The following PKHD1 variants were observed in gnomAD, a reference collection of about 807,000 sequenced individuals.
PKHD1 encodes fibrocystin.
PKHD1 carries 291 observed loss-of-function variants against 412.0 expected under a neutral mutation model. The ratio of observed to expected loss-of-function variants is 0.71; its 90% CI spans 0.64 to 0.78. The LOEUF is 0.78. Ranked by LOEUF, PKHD1 falls within the 30% of genes least tolerant of loss-of-function variation. PKHD1 has a pLI of 0.00. For synonymous variants in PKHD1, 1,777 were observed against 1,821.5 expected (o/e 0.98, Z 0.62); for missense variants, 4,825 against 4,950.7 (o/e 0.97, Z 0.76).
chr6:51,969,405 A>T (rs186899031), intron 35 of PKHD1, among the ~76,000 whole-genome samples: 54 of 152,228 alleles, frequency 3.5e-4, no homozygotes, highest in African/African-American at 1.2e-3. Flanking sequence ...CAGACTTTTT[A>T]AAAAATTTTT....
At chr6:51,630,591 T>G (rs941497736) in intron 65 of PKHD1, among the ~76,000 whole-genome samples, 1 of 152,180 alleles carries the variant, frequency 6.6e-6, no homozygotes, top group Non-Finnish European at 1.5e-5. Flanking sequence ...GTTGTTTAGA[T>G]TCTCAACAAT....
intron 43 of PKHD1, among the ~76,000 whole-genome samples, chr6:51,887,529 G>A (rs776308784): frequency 1.2e-4 from 19 of 152,236 alleles, no homozygotes; most frequent in South Asian, 2.1e-4. Flanking sequence ...TCAGTTTCTC[G>A]TGAATGGTTT....
At chr6:51,921,203 A>C (rs1215628607) in intron 37 of PKHD1, among the ~76,000 whole-genome samples, 1 of 151,888 alleles carries the variant, frequency 6.6e-6, no homozygotes, top group African/African-American at 2.4e-5. Flanking sequence ...TAGTTCTTTT[A>C]ATTGTGATGT....
rs752514286 is a variant in PKHD1, at chr6:52,062,552, A to G, written c.1085T>C (p.Phe362Ser). ...WQIVPNASSP[F>S]GFWSQEGQPF... Reference sequence around the variant, plus strand: ...TTGTCCTTCCTGTGACCAAAACCCAAATGGAGAACTGGCATTAGGGACAAT... The same window carrying G: ...TTGTCCTTCCTGTGACCAAAACCCAGATGGAGAACTGGCATTAGGGACAAT... The change falls in exon 14 of 67, where the codon TTT becomes TCT. Residue 362 changes from phenylalanine to serine, a missense_variant. Transcript: ENST00000371117. The G allele has an allele frequency of 6.2e-6, 10 of 1,614,112 alleles. No homozygotes were observed. In the Middle Eastern group the frequency reaches 5.0e-4, roughly 80 times the overall value.
chr6:51,937,861 C>T (rs565840123), intron 36 of PKHD1, among the ~76,000 whole-genome samples: 15 of 152,298 alleles, frequency 9.8e-5, no homozygotes, highest in African/African-American at 3.6e-4. Context: ...TCATCACACT[C>T]ACCATCTTCG....
intron 60 of PKHD1, among the ~76,000 whole-genome samples, chr6:51,725,042 G>A (rs1782401407): frequency 6.6e-6 from 1 of 152,174 alleles, no homozygotes; most frequent in Non-Finnish European, 1.5e-5. Context: ...AGATCTTCTT[G>A]GTTGGAGCTT....
At chr6:52,059,379 G>C (rs1808332249) in intron 15 of PKHD1, among the ~76,000 whole-genome samples, 1 of 142,460 alleles carries the variant, frequency 7.0e-6, no homozygotes, top group Non-Finnish European at 1.5e-5. Flanking sequence ...CCCTCAAGTA[G>C]TTGGGACTAT....
At position 52,071,038 on chromosome 6, in the gene PKHD1, G is replaced by T; in HGVS notation, c.635C>A (p.Thr212Asn). The stretch of plus-strand genomic sequence containing the variant: ...GTCGCCTTCCACATGGCACTGCAGA[G>T]TCCCAAGACCATGGTCCTCCTGAAT... ...YPIQEDHGLG[T>N]LQCHVEGDYI... Residue 212 changes from threonine (T) to asparagine (N), a missense_variant, in exon 9 of 67, where the codon ACT (threonine) becomes AAT (asparagine). Thr to Asn is a moderately conservative substitution (Grantham distance 65). Coordinates refer to ENST00000371117, the MANE Select transcript of PKHD1 (RefSeq NM_138694.4). The T allele has an allele frequency of 6.2e-7, 1 of 1,607,604 alleles. No homozygotes were observed. Among genetic ancestry groups the T allele is most frequent in the Non-Finnish European group, 8.5e-7 (1 of 1,174,308 alleles).
chr6:51,645,537 C>T (rs562075587), intron 63 of PKHD1, among the ~76,000 whole-genome samples: 3 of 152,152 alleles, frequency 2.0e-5, no homozygotes, highest in Non-Finnish European at 2.9e-5. Context: ...GGATTACAGG[C>T]GCATGCCCAC....
intron 27 of PKHD1, among the ~76,000 whole-genome samples, chr6:52,040,393 C>T (rs1184814239): frequency 6.6e-6 from 1 of 152,148 alleles, no homozygotes; most frequent in Non-Finnish European, 1.5e-5. Context: ...GTCATATCCT[C>T]CTAACCGGTC....
At chr6:51,805,853 G>T (rs1242389386) in intron 52 of PKHD1, among the ~76,000 whole-genome samples, 1 of 152,112 alleles carries the variant, frequency 6.6e-6, no homozygotes, top group Non-Finnish European at 1.5e-5. Flanking sequence ...ATTCCATGGT[G>T]TATATGTGCC....
chr6:52,072,152 T>TA lies in PKHD1; in HGVS notation c.564dup (p.Thr189TyrfsTer8). ...TGCCTATTTATAAGAGAGCAAGGAG[T>TA]AACCCATTTGTCTCCTTGAGCTTCC... On this transcript the variant is annotated frameshift_variant, in exon 8 of 67. Transcript: ENST00000371117. LOFTEE classifies it high-confidence loss of function. The TA allele has an allele frequency of 6.2e-7, 1 of 1,610,308 alleles. No homozygotes were observed. Among genetic ancestry groups the TA allele is most frequent in the Non-Finnish European group, 8.5e-7 (1 of 1,176,744 alleles).
intron 57 of PKHD1, among the ~76,000 whole-genome samples, chr6:51,752,732 C>A (rs751518571): frequency 6.6e-6 from 1 of 152,156 alleles, no homozygotes; most frequent in East Asian, 1.9e-4. Flanking sequence ...TCCAAAAGGG[C>A]TAAAACTTGA....
chr6:51,679,815 G>C (rs9382002), intron 60 of PKHD1, among the ~76,000 whole-genome samples: 33,927 of 151,960 alleles, frequency 0.22, 4,418 homozygotes, highest in East Asian at 0.41. Flanking sequence ...CTGAAGGAAA[G>C]GAAATTAGCA....
intron 33 of PKHD1, among the ~76,000 whole-genome samples, chr6:52,022,520 C>T (rs1801544020): frequency 6.6e-6 from 1 of 152,124 alleles, no homozygotes; most frequent in Admixed American, 6.5e-5. Flanking sequence ...GAATTACTTC[C>T]TCTGTCATCC....
At chr6:51,782,500 A>G (rs1792190475) in intron 53 of PKHD1, among the ~76,000 whole-genome samples, 1 of 152,162 alleles carries the variant, frequency 6.6e-6, no homozygotes, top group Non-Finnish European at 1.5e-5. Flanking sequence ...GGTTAAATGG[A>G]GCAAATGGTT....
At chr6:51,695,715 A>G (rs1778720378) in intron 60 of PKHD1, among the ~76,000 whole-genome samples, 1 of 152,220 alleles carries the variant, frequency 6.6e-6, no homozygotes, top group Non-Finnish European at 1.5e-5. Context: ...GGTTTAAAAT[A>G]ATAACAACAT....
chr6:51,819,355 T>G (rs1264476933), intron 52 of PKHD1, among the ~76,000 whole-genome samples: 2 of 152,214 alleles, frequency 1.3e-5, no homozygotes, highest in East Asian at 3.8e-4. Context: ...TTTTTCCATG[T>G]GATGCTTACA....
At chr6:51,789,655 T>A (rs1650563505) in intron 53 of PKHD1, among the ~76,000 whole-genome samples, 1 of 152,202 alleles carries the variant, frequency 6.6e-6, no homozygotes, top group African/African-American at 2.4e-5. Flanking sequence ...TATTTGCACT[T>A]GGAAACTTTG....
Sources: gnomAD v4.1 joint callset for allele counts (sites outside exome capture counted in the v4.1 genomes callset) on GRCh38, gnomAD v4.1.1 for gene constraint, MANE v1.5 for transcripts, NCBI Gene and HGNC (gene_info 2026-07-23, HGNC 2026-07-21) for gene names.